DCC: variants seen among roughly 807,000 people sequenced by gnomAD.
DCC encodes netrin receptor DCC.
DCC carries 58 observed loss-of-function variants against 172.5 expected under a neutral mutation model. That is an observed-to-expected ratio of 0.34 (90% CI 0.27 to 0.42). The LOEUF is 0.42. Among genes scored for constraint, DCC ranks in the 10% least tolerant of loss-of-function variants. The pLI is 1.00. For synonymous variants in DCC, 709 were observed against 644.5 expected (o/e 1.10, Z -1.52); for missense variants, 1,740 against 1,791.0 (o/e 0.97, Z 0.51).
chr18:53,179,050 G>A lies in DCC; in HGVS notation c.1507G>A (p.Val503Met). The change falls in exon 9 of 29, where the codon GTG becomes ATG. Residue 503 changes from valine (V) to methionine (M), a missense_variant. Coordinates refer to ENST00000442544, the MANE Select transcript of DCC (RefSeq NM_005215.4). ...KPEAMYTFRV[V>M]AYNEWGPGES... The stretch of plus-strand genomic sequence containing the variant: ...AGAAGCCATGTACACCTTTCGAGTT[G>A]TGGCTTACAATGAATGGGGACCGGG... 6.2e-7 allele frequency: 1 copy of A among 1,614,030 alleles called. No individual in the cohort carries two copies. The highest frequency in any genetic ancestry group is 8.5e-7 in the Non-Finnish European group (1 of 1,179,946).
chr18:52,343,798 C>T (rs1598848828), intron 1 of DCC, among the ~76,000 whole-genome samples: 3 of 152,346 alleles, frequency 2.0e-5, no homozygotes, highest in Admixed American at 2.0e-4. Flanking sequence ...GTCGCCCTCC[C>T]TAGGCGACCT....
chr18:53,505,581 C>T (rs1428632546), intron 27 of DCC, among the ~76,000 whole-genome samples: 1 of 152,076 alleles, frequency 6.6e-6, no homozygotes, highest in East Asian at 1.9e-4. Context: ...AATTGTTAGA[C>T]CATATATGAA....
At chr18:52,911,746 C>T (rs1384415577) in intron 3 of DCC, among the ~76,000 whole-genome samples, 2 of 150,954 alleles carry the variant, frequency 1.3e-5, no homozygotes, top group African/African-American at 2.4e-5. Flanking sequence ...TTTTTTGCTG[C>T]ATTGTAGGAG....
chr18:52,864,728 G>C (rs1000829394), intron 2 of DCC, among the ~76,000 whole-genome samples: 11 of 149,352 alleles, frequency 7.4e-5, no homozygotes, highest in Non-Finnish European at 1.0e-4. Flanking sequence ...GTTCCCCTCC[G>C]TGTGTCCATG....
chr18:53,419,142 TA>T (rs1247722568), intron 21 of DCC, among the ~76,000 whole-genome samples: 2 of 152,172 alleles, frequency 1.3e-5, no homozygotes, highest in African/African-American at 2.4e-5. Context: ...ATCTATGCTT[TA>T]AAAATTATTT....
rs1673029119 is a variant in DCC, at chr18:53,534,443, C to A, written c.*3790C>A. 6.6e-6 allele frequency: 1 copy of A among 152,208 alleles called. No homozygotes were observed. Among genetic ancestry groups the A allele is most frequent in the Admixed American group, 6.5e-5 (1 of 15,284 alleles). The allele number at this position is 152,208 out of a possible 1,614,324, so 9.4% of individuals were successfully genotyped here. On this transcript the variant is annotated 3_prime_UTR_variant, in exon 29 of 29. Coordinates refer to ENST00000442544, the MANE Select transcript of DCC (RefSeq NM_005215.4). ...AACCTGCTCATAACCATATACTATA[C>A]AGAGCCCACAACTTTCTGGAGATGC...
chr18:53,168,546 C>T (rs2054960953), intron 8 of DCC, among the ~76,000 whole-genome samples: 2 of 129,006 alleles, frequency 1.6e-5, no homozygotes, highest in Admixed American at 1.8e-4. Flanking sequence ...AGGGGAACAT[C>T]ACACACTGGG....
intron 8 of DCC, among the ~76,000 whole-genome samples, chr18:53,170,233 A>G (rs985115278): frequency 6.6e-6 from 1 of 152,208 alleles, no homozygotes; most frequent in Non-Finnish European, 1.5e-5. Context: ...CAGATACCAT[A>G]AGACTATCAA....
chr18:52,456,016 C>T (rs1480391579), intron 1 of DCC, among the ~76,000 whole-genome samples: 1 of 152,132 alleles, frequency 6.6e-6, no homozygotes, highest in Non-Finnish European at 1.5e-5. Context: ...GGTTTTCCTG[C>T]CTTAGCTTTG....
At chr18:53,252,851 G>C (rs1045507026) in intron 12 of DCC, among the ~76,000 whole-genome samples, 3 of 151,976 alleles carry the variant, frequency 2.0e-5, no homozygotes, top group African/African-American at 7.2e-5. Flanking sequence ...TATGGAGATA[G>C]TTTGCATTTG....
At position 53,205,253 on chromosome 18, in the gene DCC, A is replaced by T. The variant is rs1163727848; in HGVS notation, c.1611A>T (p.Val537=). 1 of 1,613,452 alleles carries T rather than the reference A, an allele frequency of 6.2e-7. No individual in the cohort carries two copies. The change falls in exon 10 of 29, where the codon GTA becomes GTT. Residue 537 remains valine, a synonymous_variant. Transcript: ENST00000442544. ...VPGPVENLQA[V]STSPTSILIT... ...GGCCAGTAGAAAACCTGCAAGCTGTATCTACCTCACCTACCTCAATTCTTA... is the reference window on the plus strand; with the variant it reads ...GGCCAGTAGAAAACCTGCAAGCTGTTTCTACCTCACCTACCTCAATTCTTA...
At chr18:52,856,386 G>A (rs1033391271) in intron 2 of DCC, among the ~76,000 whole-genome samples, 1 of 151,738 alleles carries the variant, frequency 6.6e-6, no homozygotes, top group African/African-American at 2.4e-5. Flanking sequence ...AGCACTTTGG[G>A]AGGCCGAGGC....
chr18:53,034,071 ACTTCT>A (rs970080427), intron 5 of DCC, among the ~76,000 whole-genome samples: 1 of 151,452 alleles, frequency 6.6e-6, no homozygotes, highest in African/African-American at 2.4e-5. Flanking sequence ...CTTAGTTCTC[ACTTCT>A]CTTCTCTCTT....
At chr18:53,279,587 T>G (rs1372670250) in intron 12 of DCC, among the ~76,000 whole-genome samples, 1 of 150,012 alleles carries the variant, frequency 6.7e-6, no homozygotes, top group African/African-American at 2.5e-5. Flanking sequence ...ACATGGCACA[T>G]GTATACATAT....
chr18:53,413,620 G>C (rs1163475446), intron 20 of DCC, among the ~76,000 whole-genome samples: 1 of 152,158 alleles, frequency 6.6e-6, no homozygotes, highest in Non-Finnish European at 1.5e-5. Context: ...ATTACATGTG[G>C]TTATTTATCC....
At chr18:52,571,731 C>T (rs1028396279) in intron 1 of DCC, among the ~76,000 whole-genome samples, 3 of 152,148 alleles carry the variant, frequency 2.0e-5, no homozygotes, top group Non-Finnish European at 4.4e-5. Context: ...CAGATCAGAT[C>T]CATACCAGGG....
chr18:53,268,989 A>G (rs1424175294), intron 12 of DCC, among the ~76,000 whole-genome samples: 1 of 152,158 alleles, frequency 6.6e-6, no homozygotes, highest in Non-Finnish European at 1.5e-5. Context: ...AGGAAAGAAT[A>G]TTGTCCATTA....
At chr18:52,778,024 A>G (rs1251042458) in intron 2 of DCC, among the ~76,000 whole-genome samples, 1 of 152,216 alleles carries the variant, frequency 6.6e-6, no homozygotes, top group Non-Finnish European at 1.5e-5. Flanking sequence ...AAGGGTTTTT[A>G]ATGGTCACCA....
At chr18:52,677,112 G>T (rs1336130157) in intron 1 of DCC, among the ~76,000 whole-genome samples, 3 of 152,046 alleles carry the variant, frequency 2.0e-5, no homozygotes, top group Non-Finnish European at 4.4e-5. Context: ...AATAGATGTG[G>T]CATAATGCAT....
Sources: gnomAD v4.1 joint callset for allele counts (sites outside exome capture counted in the v4.1 genomes callset) on GRCh38, gnomAD v4.1.1 for gene constraint, MANE v1.5 for transcripts, NCBI Gene and HGNC (gene_info 2026-07-23, HGNC 2026-07-21) for gene names.